TAF1B: variants seen among roughly 807,000 people sequenced by gnomAD.
The protein encoded by TAF1B is TATA-box binding protein associated factor, RNA polymerase I subunit B.
TAF1B carries 61 observed loss-of-function variants against 83.9 expected under a neutral mutation model. That is an observed-to-expected ratio of 0.73 (90% CI 0.59 to 0.90). The LOEUF (loss-of-function observed/expected upper bound fraction) is 0.90, where lower values mean the gene tolerates loss of function less well. Among genes scored for constraint, TAF1B ranks in the 40% least tolerant of loss-of-function variants. The pLI is 0.00. For synonymous variants in TAF1B, 221 were observed against 224.6 expected (o/e 0.98, Z 0.14); for missense variants, 625 against 677.0 (o/e 0.92, Z 0.85).
At chr2:9,881,615 CTTTT>C (rs1664510466) in intron 7 of TAF1B, among the ~76,000 whole-genome samples, 1 of 152,098 alleles carries the variant, frequency 6.6e-6, no homozygotes, top group Non-Finnish European at 1.5e-5. Flanking sequence ...TTGTATCTTT[CTTTT>C]CTCACTAGAA....
In TAF1B at chr2:9,854,374, C is replaced by G; in HGVS notation, c.352C>G (p.Gln118Glu). 1.2e-6 allele frequency: 2 copies of G among 1,614,032 alleles called. No individual in the cohort carries two copies. Among genetic ancestry groups the G allele is most frequent in the South Asian group, 1.1e-5 (1 of 91,070 alleles). Reference sequence around the variant, plus strand: ...GAAGCGCTACCTTCAGAAGAGCAAGCAGGCATATTGTAAGAACCCAGTTTA... The same window carrying G: ...GAAGCGCTACCTTCAGAAGAGCAAGGAGGCATATTGTAAGAACCCAGTTTA... ...FWKRYLQKSK[Q>E]AYCKNPVYTT... Residue 118 changes from glutamine (Q) to glutamate (E), a missense_variant, in exon 5 of 15, where the codon CAG (glutamine) becomes GAG (glutamate). By Grantham distance (29) the Gln-to-Glu change is conservative. Coordinates refer to ENST00000263663, the MANE Select transcript of TAF1B (RefSeq NM_005680.3).
At chr2:9,929,071 G>C (rs1031943107) in intron 14 of TAF1B, among the ~76,000 whole-genome samples, 3 of 152,190 alleles carry the variant, frequency 2.0e-5, no homozygotes, top group African/African-American at 7.2e-5. Context: ...TAGCATGAAG[G>C]GCTGTTGAAT....
chr2:9,863,503 C>CT lies in TAF1B; in HGVS notation c.400-4770dup, dbSNP rs549049860. ...ACTCCCACACAATAATAATGGGAGA[C>CT]TTTAACACCCCACTGTCAACATTAG... On this transcript the variant is annotated intron_variant, in intron 5 of 14. Coordinates refer to ENST00000263663, the MANE Select transcript of TAF1B (RefSeq NM_005680.3). Among the ~76,000 whole-genome samples, 1,312 of 152,254 alleles carry CT rather than the reference C, an allele frequency of 8.6e-3. 19 individuals carry two copies. The highest frequency in any genetic ancestry group is 0.03 in the African/African-American group (1,258 of 41,528).
At chr2:9,932,025 T>C (rs185370641) in intron 14 of TAF1B, among the ~76,000 whole-genome samples, 210 of 152,362 alleles carry the variant, frequency 1.4e-3, no homozygotes, top group Non-Finnish European at 2.6e-3. Context: ...TCAGATCATT[T>C]AAGGTCTTCT....
intron 8 of TAF1B, among the ~76,000 whole-genome samples, chr2:9,890,531 G>A (rs1356490688): frequency 6.6e-6 from 1 of 151,916 alleles, no homozygotes; most frequent in Non-Finnish European, 1.5e-5. Context: ...TCACTAATCT[G>A]ATCTTTACTT....
At chr2:9,921,049 G>A (rs1665863453) in intron 14 of TAF1B, among the ~76,000 whole-genome samples, 2 of 152,102 alleles carry the variant, frequency 1.3e-5, no homozygotes, top group South Asian at 2.1e-4. Context: ...TTTTTCAGAA[G>A]AGTTATATAT....
chr2:9,846,760 T>C (rs139374133), intron 2 of TAF1B, among the ~76,000 whole-genome samples: 225 of 152,330 alleles, frequency 1.5e-3, no homozygotes, highest in African/African-American at 4.9e-3. Flanking sequence ...TAAAAAGATA[T>C]GTGCTCACTT....
At chr2:9,860,358 G>C (rs538477580) in intron 5 of TAF1B, among the ~76,000 whole-genome samples, 9 of 152,330 alleles carry the variant, frequency 5.9e-5, no homozygotes, top group East Asian at 5.8e-4. Flanking sequence ...AATCTAACAT[G>C]CTATTGTTTG....
rs1572207724 is a variant in TAF1B, at chr2:9,846,947, T to C, written c.117+1629T>C. Among the ~76,000 whole-genome samples, 3 of 152,378 alleles carry C rather than the reference T, an allele frequency of 2.0e-5. No homozygotes were observed. The East Asian group carries it at 5.8e-4, about 29-fold the overall frequency. On this transcript the variant is annotated intron_variant, in intron 2 of 14. Transcript: ENST00000263663. The stretch of plus-strand genomic sequence containing the variant: ...TAGCAGTTTTACTCACTGTTGCTTT[T>C]GTACTATAGTGCAGGTGTAAACCCA...
At chr2:9,928,342 T>C (rs10929621) in intron 14 of TAF1B, among the ~76,000 whole-genome samples, 77,564 of 152,032 alleles carry the variant, frequency 0.51, 22,865 homozygotes, top group Non-Finnish European at 0.68. Context: ...GTTTTGGCAA[T>C]GCGGGCTCTT....
intron 7 of TAF1B, among the ~76,000 whole-genome samples, chr2:9,880,636 G>A (rs1466138260): frequency 6.6e-6 from 1 of 151,992 alleles, no homozygotes; most frequent in Non-Finnish European, 1.5e-5. Context: ...GCTTGAGACA[G>A]TGTCTCTACT....
At chr2:9,886,096 T>C (rs1339614017) in intron 8 of TAF1B, among the ~76,000 whole-genome samples, 2 of 149,994 alleles carry the variant, frequency 1.3e-5, no homozygotes, top group African/African-American at 4.8e-5. Flanking sequence ...TTTGAGGTAG[T>C]ATATTCAAAA....
chr2:9,850,443 G>A (rs1663350184), intron 3 of TAF1B, among the ~76,000 whole-genome samples: 1 of 152,170 alleles, frequency 6.6e-6, no homozygotes, highest in African/African-American at 2.4e-5. Flanking sequence ...GGAAGAGGGA[G>A]TATATGCATA....
chr2:9,862,441 A>G (rs928322640), intron 5 of TAF1B, among the ~76,000 whole-genome samples: 4 of 152,222 alleles, frequency 2.6e-5, no homozygotes, highest in Non-Finnish European at 4.4e-5. Flanking sequence ...ATATGGGACT[A>G]TGTGAAAAGA....
intron 11 of TAF1B, among the ~76,000 whole-genome samples, chr2:9,911,961 T>C (rs1300733487): frequency 6.6e-6 from 1 of 152,212 alleles, no homozygotes; most frequent in Non-Finnish European, 1.5e-5. Context: ...TCTTTATTCT[T>C]GAAGATGCAG....
intron 8 of TAF1B, among the ~76,000 whole-genome samples, chr2:9,888,487 A>G (rs1448741209): frequency 6.6e-6 from 1 of 151,994 alleles, no homozygotes; most frequent in East Asian, 1.9e-4. Context: ...GCAGTGAATT[A>G]TTGTTGCTTT....
intron 8 of TAF1B, 98 bp downstream of exon 8, chr2:9,882,903 GT>G: frequency 1.2e-6 from 1 of 829,540 alleles, no homozygotes; most frequent in Non-Finnish European, 1.9e-6. Flanking sequence ...GGTGTTTTGT[GT>G]TTTATCCCAA....
At chr2:9,863,709 T>C (rs955796074) in intron 5 of TAF1B, among the ~76,000 whole-genome samples, 1 of 152,166 alleles carries the variant, frequency 6.6e-6, no homozygotes, top group South Asian at 2.1e-4. Flanking sequence ...AAAGCACTCC[T>C]TAGCAAATGT....
chr2:9,900,389 G>A (rs551465929), intron 8 of TAF1B, among the ~76,000 whole-genome samples: 88 of 152,210 alleles, frequency 5.8e-4, no homozygotes, highest in African/African-American at 1.9e-3. Context: ...CAAAAAATTA[G>A]CTGGGTGTGG....
Sources: allele counts gnomAD v4.1 joint callset (sites outside exome capture counted in the v4.1 genomes callset), GRCh38; gene constraint gnomAD v4.1.1; transcripts MANE v1.5; gene names NCBI Gene and HGNC (gene_info 2026-07-23, HGNC 2026-07-21).